Variants in ERBB4 observed in about 807,000 individuals in gnomAD.
ERBB4 encodes erb-b2 receptor tyrosine kinase 4.
A neutral mutation model predicts 158.0 loss-of-function variants in ERBB4; 42 were observed. The ratio of observed to expected loss-of-function variants is 0.27; its 90% confidence interval spans 0.21 to 0.34. ERBB4 has a LOEUF of 0.34. Among genes scored for constraint, ERBB4 ranks in the 10% least tolerant of loss-of-function variants. The pLI is 1.00. For synonymous variants in ERBB4, 583 were observed against 558.7 expected (o/e 1.04, Z -0.61); for missense variants, 1,333 against 1,624.1 (o/e 0.82, Z 3.08).
At chr2:212,497,087 A>G (rs1690619195) in intron 1 of ERBB4, among the ~76,000 whole-genome samples, 1 of 151,596 alleles carries the variant, frequency 6.6e-6, no homozygotes, top group African/African-American at 2.4e-5. Flanking sequence ...CTGAGGCAAG[A>G]GAATCACTTC....
intron 3 of ERBB4, among the ~76,000 whole-genome samples, chr2:211,880,823 T>C (rs2078641563): frequency 6.6e-6 from 1 of 152,174 alleles, no homozygotes; most frequent in Admixed American, 6.5e-5. Flanking sequence ...AAGATAATAT[T>C]GAAGATGAAA....
intron 1 of ERBB4, among the ~76,000 whole-genome samples, chr2:212,532,455 A>C (rs767630115): frequency 2.0e-5 from 3 of 151,668 alleles, no homozygotes; most frequent in Non-Finnish European, 4.4e-5. Context: ...ACAACAACAA[A>C]AAAGAGGTCC....
At chr2:211,540,205 T>C (rs184443533) in intron 20 of ERBB4, among the ~76,000 whole-genome samples, 10,211 of 147,746 alleles carry the variant, frequency 0.069, 1,200 homozygotes, top group African/African-American at 0.24. Context: ...TATATATATA[T>C]ACACACACAC....
At chr2:212,119,014 A>G (rs1214009093) in intron 2 of ERBB4, among the ~76,000 whole-genome samples, 1 of 152,004 alleles carries the variant, frequency 6.6e-6, no homozygotes, top group Non-Finnish European at 1.5e-5. Context: ...TTCATTTATT[A>G]GAAATAAAAG....
chr2:212,345,939 A>C (rs1291092866), intron 1 of ERBB4, among the ~76,000 whole-genome samples: 1 of 152,192 alleles, frequency 6.6e-6, no homozygotes, highest in Non-Finnish European at 1.5e-5. Flanking sequence ...ATAGAGAGAT[A>C]AATACAATGT....
At position 211,611,545 on chromosome 2, in the gene ERBB4, G is replaced by A. The variant is rs60346401; in HGVS notation, c.2301+7632C>T. On this transcript the variant is annotated intron_variant, in intron 19 of 27. Transcript: ENST00000342788. ...TTCACGGCTTCATTCCTTGAAACCC[G>A]TGAGACCACGAACCCTTCGATGAAG... Among the ~76,000 whole-genome samples the A allele has an allele frequency of 8.5e-3, 1,270 of 149,630 alleles. 17 individuals are homozygous for A. The highest frequency in any genetic ancestry group is 0.03 in the African/African-American group (1,166 of 39,448).
At chr2:211,695,625 T>C (rs2072987924) in intron 12 of ERBB4, among the ~76,000 whole-genome samples, 1 of 152,172 alleles carries the variant, frequency 6.6e-6, no homozygotes, top group Non-Finnish European at 1.5e-5. Context: ...TTCTTCAATG[T>C]CTAGCCTCCT....
At position 211,588,140 on chromosome 2, in the gene ERBB4, A is replaced by C. The variant is rs377523830; in HGVS notation, c.2302-26052T>G. ...TTAATGTGTTTCTTTTTGTGTATTA[A>C]GAAGAAAAATAAGAATGTATGTTCA... On this transcript the variant is annotated intron_variant, in intron 19 of 27. Coordinates refer to ENST00000342788, the MANE Select transcript of ERBB4 (RefSeq NM_005235.3). Among the ~76,000 whole-genome samples the C allele has an allele frequency of 3.3e-5, 5 of 152,304 alleles. No homozygotes were observed. The East Asian group carries it at 9.7e-4, about 29-fold the overall frequency.
chr2:211,562,933 G>A (rs1361762200), intron 19 of ERBB4, among the ~76,000 whole-genome samples: 15 of 151,652 alleles, frequency 9.9e-5, no homozygotes, highest in Non-Finnish European at 1.0e-4. Context: ...CACTACGCCC[G>A]GCTAATGTTT....
At chr2:212,170,509 A>G (rs1001194327) in intron 1 of ERBB4, among the ~76,000 whole-genome samples, 2 of 152,176 alleles carry the variant, frequency 1.3e-5, no homozygotes, top group South Asian at 4.1e-4. Flanking sequence ...GACAATGGGG[A>G]AAATGTCTCC....
At chr2:211,852,420 G>A (rs2077740897) in intron 3 of ERBB4, among the ~76,000 whole-genome samples, 1 of 151,870 alleles carries the variant, frequency 6.6e-6, no homozygotes, top group Non-Finnish European at 1.5e-5. Flanking sequence ...TTTTATTTGG[G>A]AGAAGGGTTT....
At chr2:212,057,923 C>G (rs1204899303) in intron 2 of ERBB4, among the ~76,000 whole-genome samples, 2 of 152,124 alleles carry the variant, frequency 1.3e-5, no homozygotes, top group African/African-American at 4.8e-5. Context: ...CAAGAAATAA[C>G]TAAGATCAGA....
chr2:211,858,501 G>C (rs534646223), intron 3 of ERBB4, among the ~76,000 whole-genome samples: 1 of 152,238 alleles, frequency 6.6e-6, no homozygotes, highest in Admixed American at 6.5e-5. Context: ...TTTTGTACTA[G>C]CTTACCAAAA....
intron 20 of ERBB4, among the ~76,000 whole-genome samples, chr2:211,461,019 G>T (rs2064515584): frequency 6.6e-6 from 1 of 151,424 alleles, no homozygotes; most frequent in Non-Finnish European, 1.5e-5. Context: ...CTTCAACCTG[G>T]TATTACAGTT....
chr2:211,754,572 G>A (rs2075243012), intron 4 of ERBB4, among the ~76,000 whole-genome samples: 1 of 151,374 alleles, frequency 6.6e-6, no homozygotes, highest in African/African-American at 2.4e-5. Flanking sequence ...GCTAGTTTTT[G>A]TATTTTTTGT....
intron 4 of ERBB4, among the ~76,000 whole-genome samples, chr2:211,781,492 G>C (rs1166602884): frequency 1.3e-5 from 2 of 152,170 alleles, no homozygotes; most frequent in African/African-American, 2.4e-5. Context: ...GTAGGGACTG[G>C]AGCAGCTGAG....
At chr2:212,081,732 C>T (rs2078449598) in intron 2 of ERBB4, among the ~76,000 whole-genome samples, 1 of 152,050 alleles carries the variant, frequency 6.6e-6, no homozygotes, top group East Asian at 1.9e-4. Context: ...GTAGCTGATT[C>T]CATAAACATT....
In ERBB4 at chr2:212,376,501, G is replaced by A. The variant is rs937818774; in HGVS notation, c.82+161948C>T. ...AAAACATCTAGGAAAGCTTTGCCACGGAGTCCTTCTCCACCACAGCTATGC... is the reference window on the plus strand; with the variant it reads ...AAAACATCTAGGAAAGCTTTGCCACAGAGTCCTTCTCCACCACAGCTATGC... On this transcript the variant is annotated intron_variant, in intron 1 of 27. Transcript: ENST00000342788. 7.9e-5 allele frequency among the ~76,000 whole-genome samples: 12 copies of A among 151,996 alleles called. No homozygotes were observed. The East Asian group carries it at 9.6e-4, about 12-fold the overall frequency.
chr2:212,043,110 T>C (rs1411485086), intron 2 of ERBB4, among the ~76,000 whole-genome samples: 1 of 152,180 alleles, frequency 6.6e-6, no homozygotes, highest in African/African-American at 2.4e-5. Flanking sequence ...GGACTGTTAG[T>C]ACCTTTATGC....
Sources: allele counts gnomAD v4.1 joint callset (sites outside exome capture counted in the v4.1 genomes callset), GRCh38; gene constraint gnomAD v4.1.1; transcripts MANE v1.5; gene names NCBI Gene and HGNC (gene_info 2026-07-23, HGNC 2026-07-21).